Variants in PTPRG observed in about 807,000 individuals in gnomAD.
PTPRG encodes the protein protein tyrosine phosphatase receptor type G.
PTPRG carries 102 observed loss-of-function variants against 165.3 expected under a neutral mutation model. The observed-to-expected ratio is 0.62, with a 90% CI of 0.53 to 0.73. The LOEUF is 0.73. Among genes scored for constraint, PTPRG ranks in the 30% least tolerant of loss-of-function variants. The pLI is 0.00. For missense variants in PTPRG, 1,866 were observed against 1,861.4 expected (o/e 1.00, Z -0.05); for synonymous variants, 675 against 669.5 (o/e 1.01, Z -0.13).
chr3:61,672,694 C>G (rs1355601488), intron 1 of PTPRG, among the ~76,000 whole-genome samples: 1 of 134,782 alleles, frequency 7.4e-6, no homozygotes, highest in Non-Finnish European at 1.6e-5. Flanking sequence ...GGCTCGGCAT[C>G]AGAGGGAGAC....
chr3:62,023,495 C>T (rs1185453448), intron 4 of PTPRG, among the ~76,000 whole-genome samples: 1 of 151,952 alleles, frequency 6.6e-6, no homozygotes, highest in African/African-American at 2.4e-5. Context: ...GTAAGTGCTC[C>T]ATCTGGTTTG....
At chr3:61,830,667 C>G (rs919980744) in intron 2 of PTPRG, among the ~76,000 whole-genome samples, 1 of 144,364 alleles carries the variant, frequency 6.9e-6, no homozygotes, top group Non-Finnish European at 1.5e-5. Context: ...CTCCACCTCT[C>G]AGGTTCAAGT....
chr3:61,912,250 C>G (rs1269379942), intron 2 of PTPRG, among the ~76,000 whole-genome samples: 1 of 152,042 alleles, frequency 6.6e-6, no homozygotes, highest in Non-Finnish European at 1.5e-5. Context: ...GTTATGGCCC[C>G]TTACCACTAT....
intron 8 of PTPRG, among the ~76,000 whole-genome samples, chr3:62,181,389 C>T (rs1488451657): frequency 1.3e-5 from 2 of 152,202 alleles, no homozygotes; most frequent in African/African-American, 4.8e-5. Context: ...CCAGTTTTCT[C>T]ATCACAGGGC....
At chr3:61,924,536 G>A (rs2039158220) in intron 2 of PTPRG, among the ~76,000 whole-genome samples, 1 of 152,222 alleles carries the variant, frequency 6.6e-6, no homozygotes. Flanking sequence ...AAATTGTTCA[G>A]CATCTCCCAC....
intron 1 of PTPRG, among the ~76,000 whole-genome samples, chr3:61,732,709 A>AAAATAAATAAAT (rs10593342): frequency 1.6e-4 from 23 of 143,132 alleles, no homozygotes; most frequent in African/African-American, 3.3e-4. Flanking sequence ...ACTCCGTCTC[A>AAAATAAATAAAT]AAATAAATAA....
Position 61,744,268 on chromosome 3 carries a change from A to G in PTPRG, c.86-4610A>G, listed in dbSNP as rs371360181. On this transcript the variant is annotated intron_variant, in intron 1 of 29. Transcript: ENST00000474889. ...CGTCGATTAAAATGCATTTGAGGAG[A>G]GGACTTAAAGTGTTGTCTTATTTTA... Among the ~76,000 whole-genome samples, 35 of 152,354 alleles carry G rather than the reference A, an allele frequency of 2.3e-4. 1 individual carries two copies. The East Asian group carries it at 4.0e-3, about 18-fold the overall frequency.
intron 8 of PTPRG, among the ~76,000 whole-genome samples, chr3:62,187,362 A>G (rs1699689031): frequency 6.6e-6 from 1 of 152,222 alleles, no homozygotes; most frequent in Admixed American, 6.5e-5. Context: ...TGGGATCAGC[A>G]CTGATCCACG....
intron 2 of PTPRG, among the ~76,000 whole-genome samples, chr3:61,934,113 G>A (rs747682668): frequency 7.2e-5 from 11 of 152,226 alleles, no homozygotes; most frequent in African/African-American, 9.6e-5. Flanking sequence ...TTTCAGTGGT[G>A]TGGGGATGTG....
At chr3:62,047,881 A>G (rs1236063512) in intron 4 of PTPRG, among the ~76,000 whole-genome samples, 4 of 152,144 alleles carry the variant, frequency 2.6e-5, no homozygotes, top group African/African-American at 9.7e-5. Flanking sequence ...TCAGGTTTAC[A>G]TTTACAGGAT....
chr3:62,054,981 A>G (rs923907763), intron 4 of PTPRG, among the ~76,000 whole-genome samples: 1 of 152,244 alleles, frequency 6.6e-6, no homozygotes, highest in African/African-American at 2.4e-5. Flanking sequence ...GAATCAGGAA[A>G]TAATTCATGT....
At chr3:61,984,132 T>C (rs1410125089) in intron 2 of PTPRG, among the ~76,000 whole-genome samples, 2 of 152,176 alleles carry the variant, frequency 1.3e-5, no homozygotes, top group Non-Finnish European at 2.9e-5. Flanking sequence ...TGTGGAAATA[T>C]GTCTTCCTGA....
intron 2 of PTPRG, among the ~76,000 whole-genome samples, chr3:61,881,452 A>C (rs986533351): frequency 2.0e-5 from 3 of 152,210 alleles, no homozygotes; most frequent in Admixed American, 6.5e-5. Flanking sequence ...TATGCAACAC[A>C]GCAGCAATCG....
At chr3:62,282,458 G>A (rs2148890226) in intron 27 of PTPRG, among the ~76,000 whole-genome samples, 1 of 149,604 alleles carries the variant, frequency 6.7e-6, no homozygotes, top group Middle Eastern at 3.4e-3. Flanking sequence ...TTGAACTCCT[G>A]GCCTCAAGCA....
intron 4 of PTPRG, among the ~76,000 whole-genome samples, chr3:62,055,203 G>C (rs939574898): frequency 6.6e-6 from 1 of 152,116 alleles, no homozygotes; most frequent in Admixed American, 6.6e-5. Flanking sequence ...AAAATTTAAA[G>C]CAGTAATTAA....
At position 62,224,101 on chromosome 3, in the gene PTPRG, A is replaced by C. The variant is rs1387895627; in HGVS notation, c.2288+5118A>C. Among the ~76,000 whole-genome samples the C allele has an allele frequency of 6.6e-6, 1 of 152,154 alleles. No homozygotes were observed. Among genetic ancestry groups the C allele is most frequent in the Non-Finnish European group, 1.5e-5 (1 of 68,022 alleles). On this transcript the variant is annotated intron_variant, in intron 13 of 29. Coordinates refer to ENST00000474889, the MANE Select transcript of PTPRG (RefSeq NM_002841.4). The surrounding 1 kb of genome is among the most constrained non-coding windows in gnomAD (Gnocchi z 4.9). Reference sequence around the variant, plus strand: ...GAAATTGGTTTGGGTGATGCTCCTAATAGGCCTTAAAGTCAATTCCAGAGG... The same window carrying C: ...GAAATTGGTTTGGGTGATGCTCCTACTAGGCCTTAAAGTCAATTCCAGAGG...
intron 25 of PTPRG, among the ~76,000 whole-genome samples, chr3:62,277,299 G>A (rs1292902702): frequency 6.6e-6 from 1 of 152,102 alleles, no homozygotes; most frequent in Non-Finnish European, 1.5e-5. Context: ...TCTAGTCTTT[G>A]AATAAATGTT....
intron 8 of PTPRG, among the ~76,000 whole-genome samples, chr3:62,175,331 G>C (rs116128229): frequency 0.011 from 1,731 of 152,306 alleles, 14 homozygotes; most frequent in Middle Eastern, 0.037. Context: ...AGGCTAGCAA[G>C]AGAGCCGAGT....
intron 9 of PTPRG, among the ~76,000 whole-genome samples, chr3:62,194,860 G>A (rs550965077): frequency 3.9e-5 from 6 of 152,122 alleles, no homozygotes; most frequent in Middle Eastern, 3.4e-3. Flanking sequence ...TTTCGGTGTT[G>A]AAAACAGGTT....
Sources: gnomAD v4.1 joint callset for allele counts (sites outside exome capture counted in the v4.1 genomes callset) on GRCh38, gnomAD v4.1.1 for gene constraint, Gnocchi (gnomAD v3.1) non-coding constraint, MANE v1.5 for transcripts, NCBI Gene and HGNC (gene_info 2026-07-23, HGNC 2026-07-21) for gene names.